The following SCIMP variants were observed in gnomAD, a reference collection of about 807,000 sequenced individuals.
SCIMP encodes the protein SLP adaptor and CSK interacting membrane protein.
A neutral mutation model predicts 22.0 loss-of-function variants in SCIMP; 18 were observed. The observed-to-expected ratio is 0.82, with a 90% confidence interval of 0.56 to 1.21. The LOEUF (loss-of-function observed/expected upper bound fraction) is 1.21, where lower values mean the gene tolerates loss of function less well. Among genes scored for constraint, SCIMP ranks in the 50% most tolerant of loss-of-function variants. SCIMP has a pLI of 0.00. For synonymous variants in SCIMP, 53 were observed against 62.2 expected, an observed-to-expected ratio of 0.85 and a Z score of 0.70; for missense variants, 155 against 171.2, an observed-to-expected ratio of 0.91 and a Z score of 0.53.
intron 3 of SCIMP, among the ~76,000 whole-genome samples, chr17:5,216,695 C>A (rs1163379415): frequency 2.6e-5 from 4 of 151,870 alleles, no homozygotes; most frequent in African/African-American, 9.7e-5. Flanking sequence ...ACAAAAAAAA[C>A]CCAAAAAGCT....
chr17:5,231,918 T>G (rs2074698857), intron 1 of SCIMP, among the ~76,000 whole-genome samples: 1 of 152,122 alleles, frequency 6.6e-6, no homozygotes, highest in Non-Finnish European at 1.5e-5. Context: ...TAGCCAGGCA[T>G]GGTGGCAGGC....
intron 4 of SCIMP, chr17:5,212,958 A>G (rs780937407): frequency 6.3e-6 from 1 of 159,710 alleles, no homozygotes; most frequent in Non-Finnish European, 1.2e-5. Flanking sequence ...TGTCAGTTTC[A>G]TAAAGGAAAT....
At chr17:5,223,654 A>C (rs1287786183) in intron 1 of SCIMP, 198 bp from the exon 2 acceptor site, 60 of 512,354 alleles carry the variant, frequency 1.2e-4, no homozygotes, top group Non-Finnish European at 2.0e-4. Flanking sequence ...GGTTCAAGTG[A>C]TTCTCCTGCC....
At chr17:5,216,832 G>A (rs924704475) in intron 3 of SCIMP, among the ~76,000 whole-genome samples, 6 of 152,140 alleles carry the variant, frequency 3.9e-5, no homozygotes, top group African/African-American at 1.4e-4. Flanking sequence ...TGGGTCTGTT[G>A]AGTTCGTGGA....
At chr17:5,227,141 C>T (rs1490225725) in intron 1 of SCIMP, among the ~76,000 whole-genome samples, 1 of 152,002 alleles carries the variant, frequency 6.6e-6, no homozygotes, top group African/African-American at 2.4e-5. Context: ...TGAAGGATCG[C>T]AAAGAAGTGT....
chr17:5,226,471 G>A (rs990872453), intron 1 of SCIMP, among the ~76,000 whole-genome samples: 4 of 151,240 alleles, frequency 2.6e-5, no homozygotes, highest in Admixed American at 2.0e-4. Flanking sequence ...GAAATGGACC[G>A]CAGAGAGGCA....
chr17:5,223,590 T>C, intron 1 of SCIMP, 134 bp from the exon 2 acceptor site: 1 of 794,750 alleles, frequency 1.3e-6, no homozygotes, highest in Non-Finnish European at 2.1e-6. Flanking sequence ...TCGCCCAGGC[T>C]GGAGTGCAAT....
intron 1 of SCIMP, among the ~76,000 whole-genome samples, chr17:5,224,142 T>C (rs1180852570): frequency 1.3e-5 from 2 of 152,096 alleles, no homozygotes; most frequent in East Asian, 3.9e-4. Flanking sequence ...TGCAGGGTTG[T>C]TTTTTTTCTT....
intron 3 of SCIMP, among the ~76,000 whole-genome samples, chr17:5,215,855 C>G (rs1281050743): frequency 6.6e-6 from 1 of 152,136 alleles, no homozygotes; most frequent in Non-Finnish European, 1.5e-5. Context: ...TTTGCCATCA[C>G]ACAACTCAAA....
intron 1 of SCIMP, among the ~76,000 whole-genome samples, chr17:5,232,272 T>A (rs930847776): frequency 8.1e-5 from 12 of 148,070 alleles, no homozygotes; most frequent in African/African-American, 3.1e-4. Flanking sequence ...GAGTCTTTGG[T>A]AAAGTCTGCT....
chr17:5,231,999 T>C (rs1389735448), intron 1 of SCIMP, among the ~76,000 whole-genome samples: 1 of 151,780 alleles, frequency 6.6e-6, no homozygotes, highest in South Asian at 2.1e-4. Context: ...GAGCTTGCAG[T>C]GAGCCGAGAT....
chr17:5,221,168 G>A (rs745312415), intron 3 of SCIMP, 119 bp downstream of exon 3: 7 of 803,338 alleles, frequency 8.7e-6, no homozygotes, highest in Non-Finnish European at 1.1e-5. Flanking sequence ...GTGAAGTCTC[G>A]CCAGCTCTAC....
In SCIMP at chr17:5,227,394, C is replaced by A. The variant is rs561285233; in HGVS notation, c.22-3938G>T. Among the ~76,000 whole-genome samples the A allele has an allele frequency of 4.9e-3, 750 of 152,038 alleles. 9 individuals are homozygous for A. The highest frequency in any genetic ancestry group is 0.017 in the African/African-American group (724 of 41,466). On this transcript the variant is annotated intron_variant, in intron 1 of 4. Transcript: ENST00000574081. Reference sequence around the variant, plus strand: ...CTACTCAGGAGGTTAAGCTCCTCCTCAGCTACTCAGGGGGTTTCACCATGT... The same window carrying A: ...CTACTCAGGAGGTTAAGCTCCTCCTAAGCTACTCAGGGGGTTTCACCATGT...
At chr17:5,230,525 C>T (rs1459486758) in intron 1 of SCIMP, among the ~76,000 whole-genome samples, 5 of 152,132 alleles carry the variant, frequency 3.3e-5, no homozygotes, top group African/African-American at 1.2e-4. Flanking sequence ...GGGAAGCCAG[C>T]AGGATGGTGC....
intron 3 of SCIMP, among the ~76,000 whole-genome samples, chr17:5,220,402 T>C (rs1003718440): frequency 7.8e-6 from 1 of 128,266 alleles, no homozygotes; most frequent in African/African-American, 3.1e-5. Flanking sequence ...GTTTTAGAGC[T>C]GCCTGGGCAA....
At chr17:5,231,185 C>T (rs56739707) in intron 1 of SCIMP, among the ~76,000 whole-genome samples, 1 of 152,062 alleles carries the variant, frequency 6.6e-6, no homozygotes, top group East Asian at 1.9e-4. Context: ...GATGGTGAAA[C>T]CCCGTCTCTA....
chr17:5,210,724 G>GT lies in SCIMP; in HGVS notation c.*76dup. The GT allele has an allele frequency of 6.5e-7, 1 of 1,540,200 alleles. No homozygotes were observed. Among genetic ancestry groups the GT allele is most frequent in the South Asian group, 1.3e-5 (1 of 76,214 alleles). ...TTTCAGGGCCCAGAGACCTACTGAA[G>GT]TTCAACCATTCTTGATTGTTTTAAA... On this transcript the variant is annotated 3_prime_UTR_variant, in exon 5 of 5. Coordinates refer to ENST00000574081, the MANE Select transcript of SCIMP (RefSeq NM_207103.3).
intron 1 of SCIMP, among the ~76,000 whole-genome samples, chr17:5,232,115 T>C (rs1441040569): frequency 1.3e-5 from 2 of 151,264 alleles, no homozygotes; most frequent in Non-Finnish European, 2.9e-5. Flanking sequence ...ATGAGCAGAA[T>C]GGGCCTCATT....
chr17:5,227,292 AAC>A (rs10681110), intron 1 of SCIMP, among the ~76,000 whole-genome samples: 15,751 of 144,224 alleles, frequency 0.11, 984 homozygotes, highest in Middle Eastern at 0.15. Context: ...ACACACACAC[AAC>A]ACACACACAC....
Sources: allele counts gnomAD v4.1 joint callset (sites outside exome capture counted in the v4.1 genomes callset), GRCh38; gene constraint gnomAD v4.1.1; transcripts MANE v1.5; gene names NCBI Gene and HGNC (gene_info 2026-07-23, HGNC 2026-07-21).